RBFOX1: variants seen among roughly 807,000 people sequenced by gnomAD.
The protein encoded by RBFOX1 is RNA binding protein fox-1 homolog 1.
In RBFOX1, 8 loss-of-function variants were observed where a neutral mutation model predicts 57.7. The observed-to-expected ratio is 0.14, with a 90% CI of 0.08 to 0.25. The LOEUF (loss-of-function observed/expected upper bound fraction) is 0.25, where lower values mean the gene tolerates loss of function less well. Ranked by LOEUF, RBFOX1 falls within the 10% of genes least tolerant of loss-of-function variation. RBFOX1 has a pLI of 1.00. For synonymous variants in RBFOX1, 326 were observed against 222.4 expected, an observed-to-expected ratio of 1.47 and a Z score of -4.15; for missense variants, 611 against 548.5, an observed-to-expected ratio of 1.11 and a Z score of -1.14.
At chr16:6,573,441 T>G (rs1567730638) in intron 2 of RBFOX1, among the ~76,000 whole-genome samples, 1 of 152,190 alleles carries the variant, frequency 6.6e-6, no homozygotes, top group East Asian at 1.9e-4. Flanking sequence ...GGAAAGAGTC[T>G]GCCATTCACT....
chr16:6,618,909 G>A (rs970292095), intron 2 of RBFOX1, among the ~76,000 whole-genome samples: 1 of 152,134 alleles, frequency 6.6e-6, no homozygotes, highest in East Asian at 1.9e-4. Context: ...AAGGAGCAGG[G>A]CCATCCGTAA....
intron 3 of RBFOX1, among the ~76,000 whole-genome samples, chr16:7,042,582 C>A (rs41356249): frequency 1.3e-5 from 2 of 152,148 alleles, no homozygotes; most frequent in Non-Finnish European, 1.5e-5. Flanking sequence ...TGACATATTA[C>A]AAACATTGGA....
At chr16:5,632,609 C>T (rs2048549971) in intron 3 of RBFOX1, 1 of 152,166 alleles carries the variant, frequency 6.6e-6, no homozygotes, top group Non-Finnish European at 1.5e-5. Context: ...TAGCACTCAC[C>T]TCCAGGCCCT....
chr16:5,625,764 G>T (rs1374011997), intron 3 of RBFOX1, among the ~76,000 whole-genome samples: 1 of 151,834 alleles, frequency 6.6e-6, no homozygotes, highest in Non-Finnish European at 1.5e-5. Flanking sequence ...CATCATTTTG[G>T]CCAGGCTGGT....
At chr16:6,942,343 T>C (rs2078693091) in intron 3 of RBFOX1, among the ~76,000 whole-genome samples, 1 of 151,662 alleles carries the variant, frequency 6.6e-6, no homozygotes, top group South Asian at 2.1e-4. Context: ...AATTTTTTGA[T>C]TTTTTTTTGT....
chr16:6,934,358 T>C (rs1032693009), intron 3 of RBFOX1, among the ~76,000 whole-genome samples: 2 of 152,174 alleles, frequency 1.3e-5, no homozygotes, highest in African/African-American at 4.8e-5. Flanking sequence ...ATGTAATAAA[T>C]ATGTGAGTAT....
intron 4 of RBFOX1, among the ~76,000 whole-genome samples, chr16:7,494,240 G>A (rs2067851314): frequency 1.3e-5 from 2 of 152,180 alleles, no homozygotes; most frequent in South Asian, 4.1e-4. Flanking sequence ...CCTTGCTGAA[G>A]CACAGGCAAG....
intron 4 of RBFOX1, among the ~76,000 whole-genome samples, chr16:7,231,290 G>C (rs35656009): frequency 0.072 from 10,990 of 152,198 alleles, 496 homozygotes; most frequent in East Asian, 0.18. Flanking sequence ...CTTGTACCAT[G>C]TGTTTATCCT....
intron 4 of RBFOX1, among the ~76,000 whole-genome samples, chr16:7,310,486 G>A (rs1238840478): frequency 6.6e-6 from 1 of 152,146 alleles, no homozygotes; most frequent in Non-Finnish European, 1.5e-5. Flanking sequence ...GTTAACTGTG[G>A]AGCACCCAGA....
Position 6,494,604 on chromosome 16 carries a change from G to C in RBFOX1, c.-63-159999G>C, listed in dbSNP as rs1482255096. On this transcript the variant is annotated intron_variant, in intron 2 of 15. Coordinates refer to ENST00000550418, the MANE Select transcript of RBFOX1 (RefSeq NM_018723.4). Reference sequence around the variant, plus strand: ...TCACCTGTTGAAGGATATCTGGGTTGGCTTTGACCATCACACATAAAGCTG... The same window carrying C: ...TCACCTGTTGAAGGATATCTGGGTTCGCTTTGACCATCACACATAAAGCTG... 5.9e-5 allele frequency among the ~76,000 whole-genome samples: 9 copies of C among 152,316 alleles called. No homozygotes were observed. The East Asian group carries it at 1.7e-3, about 29-fold the overall frequency.
At chr16:6,053,511 A>C (rs1193800270) in intron 1 of RBFOX1, among the ~76,000 whole-genome samples, 1 of 152,218 alleles carries the variant, frequency 6.6e-6, no homozygotes, top group Non-Finnish European at 1.5e-5. Flanking sequence ...GTTGAATATT[A>C]GTGAGTCAAA....
chr16:6,364,398 A>G (rs1220030003), intron 2 of RBFOX1, among the ~76,000 whole-genome samples: 1 of 151,998 alleles, frequency 6.6e-6, no homozygotes, highest in Non-Finnish European at 1.5e-5. Flanking sequence ...CATTAAAGAC[A>G]TTTGGTGCAA....
intron 3 of RBFOX1, among the ~76,000 whole-genome samples, chr16:6,942,771 G>C (rs1247146040): frequency 6.6e-6 from 1 of 152,112 alleles, no homozygotes; most frequent in Non-Finnish European, 1.5e-5. Context: ...TAAAAAATAA[G>C]GGCAAATGGT....
chr16:5,560,449 T>C (rs1397949757), intron 2 of RBFOX1, among the ~76,000 whole-genome samples: 1 of 152,168 alleles, frequency 6.6e-6, no homozygotes, highest in African/African-American at 2.4e-5. Flanking sequence ...CCGGTGTTAT[T>C]ACACTGCACT....
intron 4 of RBFOX1, among the ~76,000 whole-genome samples, chr16:7,210,088 T>C (rs2090823136): frequency 6.6e-6 from 1 of 152,216 alleles, no homozygotes; most frequent in African/African-American, 2.4e-5. Context: ...AAGTGCATCT[T>C]TGCAGTGTGT....
chr16:6,126,512 G>A (rs1349616492), intron 1 of RBFOX1, among the ~76,000 whole-genome samples: 2 of 152,080 alleles, frequency 1.3e-5, no homozygotes, highest in African/African-American at 2.4e-5. Context: ...GTAATATGCC[G>A]AAGATCACAG....
chr16:6,974,039 G>A (rs937806923), intron 3 of RBFOX1, among the ~76,000 whole-genome samples: 4 of 152,108 alleles, frequency 2.6e-5, no homozygotes, highest in African/African-American at 9.7e-5. Flanking sequence ...TTGGTTTTCT[G>A]TTCCTGTGTT....
At chr16:7,699,614 A>T (rs376001060) in intron 14 of RBFOX1, among the ~76,000 whole-genome samples, 5 of 152,202 alleles carry the variant, frequency 3.3e-5, no homozygotes, top group African/African-American at 1.2e-4. Context: ...GTAAGTAAAA[A>T]ATGCATGCTG....
chr16:6,392,775 A>AC, intron 2 of RBFOX1, among the ~76,000 whole-genome samples: 1 of 152,360 alleles, frequency 6.6e-6, no homozygotes, highest in East Asian at 1.9e-4. Flanking sequence ...CAGGAATTAA[A>AC]AAGCATCCCT....
Sources: allele counts gnomAD v4.1 joint callset (sites outside exome capture counted in the v4.1 genomes callset), GRCh38; gene constraint gnomAD v4.1.1; transcripts MANE v1.5; gene names NCBI Gene and HGNC (gene_info 2026-07-23, HGNC 2026-07-21).